Variants in EXOC1L observed in about 807,000 individuals in gnomAD.
EXOC1L encodes the protein exocyst complex component 1-like.
Under a neutral mutation model 4.9 loss-of-function variants are expected in EXOC1L, and 10 were observed. That is an observed-to-expected ratio of 2.02 (90% CI 1.25 to 3.43). The LOEUF is 3.43. Among genes scored for constraint, EXOC1L ranks in the 30% most tolerant of loss-of-function variants. The pLI is 0.00. For missense variants in EXOC1L, 114 were observed against 59.4 expected (o/e 1.92, Z -3.02); for synonymous variants, 41 against 20.8 (o/e 1.97, Z -2.63).
chr4:55,826,410 T>C (rs1227837420), intron 1 of EXOC1L, among the ~76,000 whole-genome samples: 2 of 152,220 alleles, frequency 1.3e-5, no homozygotes, highest in Non-Finnish European at 2.9e-5. Context: ...TCATGAATAA[T>C]AGTGACTATT....
intron 1 of EXOC1L, among the ~76,000 whole-genome samples, chr4:55,823,139 T>G (rs528801405): frequency 2.6e-4 from 39 of 152,060 alleles, no homozygotes; most frequent in African/African-American, 8.2e-4. Flanking sequence ...TAAATGGCAT[T>G]TGCTAGAATT....
chr4:55,819,949 A>G lies in EXOC1L; in HGVS notation c.-78A>G. On this transcript the variant is annotated 5_prime_UTR_variant, in exon 1 of 3. Transcript: ENST00000636125. The stretch of plus-strand genomic sequence containing the variant: ...GACTCACCAAGGAGCTGCAAACCCA[A>G]ACGAGAAATCTAGGGAGCAAAAGGA... 1 of 396,730 alleles carries G rather than the reference A, an allele frequency of 2.5e-6. No individual in the cohort carries two copies. 24.6% of individuals were successfully genotyped at this position (396,730 alleles called of 1,614,324 possible).
Position 55,837,307 on chromosome 4 carries a change from G to C in EXOC1L, c.475G>C (p.Ala159Pro), listed in dbSNP as rs752420815. 1.8e-5 allele frequency: 12 copies of C among 666,490 alleles called. 1 individual carries two copies. The South Asian group carries it at 1.9e-4, about 11-fold the overall frequency. The allele number at this position is 666,490 out of a possible 1,614,324, so 41.3% of individuals were successfully genotyped here. A position where few individuals can be genotyped will look rare whatever the true frequency, so the allele number is the denominator to read the frequency against. Residue 159 changes from alanine to proline, a missense_variant, in exon 3 of 3, where the codon GCT becomes CCT. Physicochemically the swap from Ala to Pro is conservative, Grantham distance 27. Coordinates refer to ENST00000636125, the MANE Select transcript of EXOC1L (RefSeq NM_001351574.3). ...CLVLMRICFY[A>P]FNLVCLSLCP... ...GGTCCTTATGAGAATATGCTTTTAC[G>C]CTTTCAATCTTGTGTGCTTGTCCCT...
chr4:55,833,709 C>T (rs1484541695), intron 2 of EXOC1L, among the ~76,000 whole-genome samples: 1 of 151,898 alleles, frequency 6.6e-6, no homozygotes, highest in East Asian at 1.9e-4. Context: ...TTCACCAGGA[C>T]TGTCAATTTA....
chr4:55,821,676 A>G (rs543712615), intron 1 of EXOC1L, among the ~76,000 whole-genome samples: 49 of 152,214 alleles, frequency 3.2e-4, no homozygotes, highest in Non-Finnish European at 6.9e-4. Context: ...CCTAGATTTA[A>G]ATGTTTGGAA....
intron 1 of EXOC1L, among the ~76,000 whole-genome samples, chr4:55,830,889 A>G (rs1720011889): frequency 6.6e-6 from 1 of 152,130 alleles, no homozygotes; most frequent in African/African-American, 2.4e-5. Context: ...ACTCTTCAAC[A>G]CTGTGTTGCT....
chr4:55,823,064 A>G (rs1719787464), intron 1 of EXOC1L, among the ~76,000 whole-genome samples: 2 of 151,598 alleles, frequency 1.3e-5, no homozygotes, highest in Admixed American at 1.3e-4. Context: ...TCAGATGTTG[A>G]TTATTTTTCA....
chr4:55,823,463 G>T (rs1719797666), intron 1 of EXOC1L, among the ~76,000 whole-genome samples: 1 of 152,132 alleles, frequency 6.6e-6, no homozygotes, highest in Non-Finnish European at 1.5e-5. Context: ...TAATTTTTCA[G>T]CTGTGAATTG....
At chr4:55,830,343 G>A (rs1208058527) in intron 1 of EXOC1L, among the ~76,000 whole-genome samples, 4 of 152,080 alleles carry the variant, frequency 2.6e-5, no homozygotes, top group Admixed American at 6.6e-5. Flanking sequence ...TTAGGCATTC[G>A]ATCCCCACCT....
intron 2 of EXOC1L, among the ~76,000 whole-genome samples, chr4:55,836,274 G>A (rs1720158797): frequency 6.6e-6 from 1 of 151,876 alleles, no homozygotes; most frequent in African/African-American, 2.4e-5. Flanking sequence ...CACATTTGTT[G>A]AGAAATTAGT....
At chr4:55,825,625 C>CA (rs766176782) in intron 1 of EXOC1L, among the ~76,000 whole-genome samples, 12 of 152,114 alleles carry the variant, frequency 7.9e-5, no homozygotes, top group Non-Finnish European at 1.8e-4. Flanking sequence ...TCTATTCCCA[C>CA]AAAATCACTT....
chr4:55,826,487 G>A (rs1719889659), intron 1 of EXOC1L, among the ~76,000 whole-genome samples: 1 of 152,238 alleles, frequency 6.6e-6, no homozygotes, highest in Admixed American at 6.5e-5. Flanking sequence ...GAAAATAAAT[G>A]ATTGGCATGA....
intron 1 of EXOC1L, among the ~76,000 whole-genome samples, chr4:55,829,035 C>A (rs753531403): frequency 2.6e-5 from 4 of 152,060 alleles, no homozygotes; most frequent in Admixed American, 6.6e-5. Flanking sequence ...TCCACCCAAC[C>A]AACTCACCCT....
intron 2 of EXOC1L, among the ~76,000 whole-genome samples, chr4:55,831,948 C>G (rs1283079165): frequency 6.6e-6 from 1 of 152,018 alleles, no homozygotes; most frequent in Non-Finnish European, 1.5e-5. Flanking sequence ...TGACCCCTGA[C>G]AAGTGATTTT....
In EXOC1L at chr4:55,837,243, C is replaced by A. The variant is rs1413914834; in HGVS notation, c.411C>A (p.Asn137Lys). 1 of 701,318 alleles carries A rather than the reference C, an allele frequency of 1.4e-6. No individual in the cohort carries two copies. The highest frequency in any genetic ancestry group is 2.6e-6 in the Non-Finnish European group (1 of 384,036). 43.4% of individuals were successfully genotyped at this position (701,318 alleles called of 1,614,324 possible). Residue 137 changes from asparagine to lysine, a missense_variant, in exon 3 of 3, where the codon AAC (asparagine) becomes AAA (lysine). Physicochemically the swap from Asn to Lys is moderately conservative, Grantham distance 94. Transcript: ENST00000636125. ...QIVNFDSTYI[N>K]DDSIWSSNNK... ...TGAACTTTGATTCTACATACATTAA[C>A]GATGATTCCATTTGGTCCTCCAACA...
At position 55,837,218 on chromosome 4, in the gene EXOC1L, T is replaced by C; in HGVS notation, c.386T>C (p.Val129Ala). 2 of 702,078 alleles carry C rather than the reference T, an allele frequency of 2.8e-6. No individual in the cohort carries two copies. The highest frequency in any genetic ancestry group is 5.2e-6 in the Non-Finnish European group (2 of 384,352). The allele number at this position is 702,078 out of a possible 1,614,324, so 43.5% of individuals were successfully genotyped here. A position where few individuals can be genotyped will look rare whatever the true frequency, so the allele number is the denominator to read the frequency against. ...TATCTTAAAAAGGACTTACAGATCG[T>C]GAACTTTGATTCTACATACATTAAC... ...HAYLKKDLQI[V>A]NFDSTYINDD... The change falls in exon 3 of 3, where the codon GTG becomes GCG. Residue 129 changes from valine (V) to alanine (A), a missense_variant. Physicochemically the swap from Val to Ala is moderately conservative, Grantham distance 64. Coordinates refer to ENST00000636125, the MANE Select transcript of EXOC1L (RefSeq NM_001351574.3).
intron 1 of EXOC1L, among the ~76,000 whole-genome samples, chr4:55,821,583 T>C (rs1217688656): frequency 3.9e-5 from 6 of 152,164 alleles, no homozygotes; most frequent in Non-Finnish European, 5.9e-5. Context: ...TTTATATATC[T>C]AACTTACCAA....
intron 1 of EXOC1L, among the ~76,000 whole-genome samples, chr4:55,824,548 G>A (rs1412308298): frequency 6.6e-6 from 1 of 151,950 alleles, no homozygotes; most frequent in Non-Finnish European, 1.5e-5. Context: ...TGTTTTTGTA[G>A]AGATGGGGTC....
intron 2 of EXOC1L, among the ~76,000 whole-genome samples, chr4:55,834,288 G>A (rs1720107241): frequency 6.6e-6 from 1 of 151,908 alleles, no homozygotes; most frequent in Non-Finnish European, 1.5e-5. Context: ...ACAGGATGAT[G>A]TAGCAAAAAT....
Sources: gnomAD v4.1 joint callset for allele counts (sites outside exome capture counted in the v4.1 genomes callset) on GRCh38, gnomAD v4.1.1 for gene constraint, MANE v1.5 for transcripts, NCBI Gene and HGNC (gene_info 2026-07-23, HGNC 2026-07-21) for gene names.